SPAG17: variants seen among roughly 807,000 people sequenced by gnomAD.
SPAG17 encodes sperm associated antigen 17.
SPAG17 carries 169 observed loss-of-function variants against 273.6 expected under a neutral mutation model. That is an observed-to-expected ratio of 0.62 (90% CI 0.55 to 0.70). The LOEUF (loss-of-function observed/expected upper bound fraction) is 0.70, where lower values mean the gene tolerates loss of function less well. SPAG17 is among the 30% of genes least tolerant of loss of function. The pLI, the probability that SPAG17 is intolerant of heterozygous loss-of-function variation, is 0.00. For synonymous variants in SPAG17, 825 were observed against 873.2 expected, an observed-to-expected ratio of 0.94 and a Z score of 0.97; for missense variants, 2,557 against 2,627.8, an observed-to-expected ratio of 0.97 and a Z score of 0.59.
intron 40 of SPAG17, among the ~76,000 whole-genome samples, chr1:117,987,476 A>T (rs115267485): frequency 1.3e-3 from 197 of 152,344 alleles, no homozygotes; most frequent in African/African-American, 4.6e-3. Context: ...AGGAAACCAA[A>T]CCATATAATG....
chr1:117,968,887 C>G (rs1265226754), intron 46 of SPAG17, among the ~76,000 whole-genome samples: 2 of 152,190 alleles, frequency 1.3e-5, no homozygotes, highest in African/African-American at 4.8e-5. Context: ...TTCTGTCATT[C>G]AATCACACCT....
intron 43 of SPAG17, among the ~76,000 whole-genome samples, chr1:117,980,041 C>T (rs1262857999): frequency 6.6e-6 from 1 of 152,042 alleles, no homozygotes; most frequent in African/African-American, 2.4e-5. Context: ...GGTCTAGCTC[C>T]ATCAGATATG....
At chr1:118,072,135 A>T (rs1387330983) in intron 17 of SPAG17, among the ~76,000 whole-genome samples, 1 of 152,226 alleles carries the variant, frequency 6.6e-6, no homozygotes, top group Non-Finnish European at 1.5e-5. Context: ...TCTAAGGACA[A>T]TCTGGGAAGT....
At chr1:118,049,377 G>T (rs575712861) in intron 20 of SPAG17, among the ~76,000 whole-genome samples, 69 of 152,190 alleles carry the variant, frequency 4.5e-4, no homozygotes, top group Non-Finnish European at 2.9e-5. Context: ...CATTCCTCAT[G>T]ATTAAGTGTG....
intron 4 of SPAG17, among the ~76,000 whole-genome samples, chr1:118,112,143 C>A (rs777655928): frequency 4.6e-5 from 7 of 151,358 alleles, no homozygotes; most frequent in Non-Finnish European, 8.8e-5. Context: ...CAAGTGTTTT[C>A]TTTTAGTTGA....
chr1:118,038,729 T>G (rs1649380472), intron 23 of SPAG17, among the ~76,000 whole-genome samples: 1 of 152,080 alleles, frequency 6.6e-6, no homozygotes, highest in African/African-American at 2.4e-5. Flanking sequence ...AGCAAAAGTA[T>G]GGACACAGTA....
intron 28 of SPAG17, among the ~76,000 whole-genome samples, chr1:118,019,282 T>A (rs1484878315): frequency 1.3e-5 from 2 of 151,730 alleles, no homozygotes; most frequent in Non-Finnish European, 2.9e-5. Context: ...GCCAAAAATA[T>A]GACTAAAAAG....
chr1:117,981,651 G>A (rs191902074), intron 42 of SPAG17, among the ~76,000 whole-genome samples: 135 of 152,308 alleles, frequency 8.9e-4, no homozygotes, highest in African/African-American at 2.8e-3. Context: ...GAGCTAGCTG[G>A]TTCTTTATGG....
intron 26 of SPAG17, among the ~76,000 whole-genome samples, 195 bp downstream of exon 26, chr1:118,028,079 C>T (rs1268215648): frequency 1.3e-5 from 2 of 152,166 alleles, no homozygotes; most frequent in Non-Finnish European, 2.9e-5. Flanking sequence ...ATTTAGATCA[C>T]AGTATTTGTA....
chr1:118,038,787 G>C (rs1309062117), intron 23 of SPAG17, among the ~76,000 whole-genome samples: 1 of 152,120 alleles, frequency 6.6e-6, no homozygotes, highest in African/African-American at 2.4e-5. Flanking sequence ...GAGATGAATA[G>C]ACAGAGCACA....
intron 10 of SPAG17, among the ~76,000 whole-genome samples, chr1:118,090,729 T>A (rs902475701): frequency 1.9e-4 from 29 of 152,052 alleles, no homozygotes; most frequent in African/African-American, 7.0e-4. Context: ...CCAAAAAAAT[T>A]ATTTTAAATT....
At chr1:118,145,119 C>T (rs1430136264) in intron 3 of SPAG17, among the ~76,000 whole-genome samples, 1 of 152,130 alleles carries the variant, frequency 6.6e-6, no homozygotes, top group Admixed American at 6.5e-5. Context: ...CTCTCTGTTC[C>T]CAGTAGAGCT....
chr1:118,004,235 C>G (rs1188487869), intron 32 of SPAG17, among the ~76,000 whole-genome samples: 1 of 152,178 alleles, frequency 6.6e-6, no homozygotes, highest in Admixed American at 6.5e-5. Context: ...TTGGCCCCTA[C>G]TGGGAGGTGT....
intron 24 of SPAG17, among the ~76,000 whole-genome samples, chr1:118,033,119 T>A (rs1348404612): frequency 1.3e-5 from 2 of 152,180 alleles, no homozygotes; most frequent in Non-Finnish European, 2.9e-5. Flanking sequence ...TAGATCTGGA[T>A]GATCTCATTC....
At chr1:118,008,673 G>C (rs1377772108) in intron 30 of SPAG17, among the ~76,000 whole-genome samples, 1 of 151,962 alleles carries the variant, frequency 6.6e-6, no homozygotes, top group Non-Finnish European at 1.5e-5. Flanking sequence ...CAATATAAAT[G>C]TGTGTGCTTT....
intron 3 of SPAG17, among the ~76,000 whole-genome samples, chr1:118,138,717 C>A (rs1001334094): frequency 6.6e-6 from 1 of 152,040 alleles, no homozygotes; most frequent in African/African-American, 2.4e-5. Context: ...GAATTACTAC[C>A]GTTAAAATGG....
chr1:117,992,425 G>A, intron 36 of SPAG17, 41 bp downstream of exon 36: 5 of 1,527,828 alleles, frequency 3.3e-6, no homozygotes, highest in Non-Finnish European at 4.4e-6. Context: ...TGATTGCTCT[G>A]TTTCTGATTC....
chr1:117,991,931 T>A (rs1287998720), intron 36 of SPAG17, among the ~76,000 whole-genome samples: 2 of 152,234 alleles, frequency 1.3e-5, no homozygotes, highest in Non-Finnish European at 2.9e-5. Flanking sequence ...AAACGTACTT[T>A]ATTTTTTTCA....
intron 43 of SPAG17, among the ~76,000 whole-genome samples, chr1:117,974,175 GTA>G (rs1654884056): frequency 1.3e-5 from 2 of 152,068 alleles, no homozygotes; most frequent in African/African-American, 4.8e-5. Flanking sequence ...TTCTGTGGGT[GTA>G]TATCTAGTAA....
Sources: gnomAD v4.1 joint callset for allele counts (sites outside exome capture counted in the v4.1 genomes callset) on GRCh38, gnomAD v4.1.1 for gene constraint, MANE v1.5 for transcripts, NCBI Gene and HGNC (gene_info 2026-07-23, HGNC 2026-07-21) for gene names.